PRKAG2: variants seen among roughly 807,000 people sequenced by gnomAD.
PRKAG2 encodes protein kinase AMP-activated non-catalytic subunit gamma 2.
Under a neutral mutation model 69.6 loss-of-function variants are expected in PRKAG2, and 26 were observed. The observed-to-expected ratio is 0.37, with a 90% confidence interval of 0.27 to 0.52. The LOEUF is 0.52. Ranked by LOEUF, PRKAG2 falls within the 20% of genes least tolerant of loss-of-function variation. PRKAG2 has a pLI of 0.90. For missense variants in PRKAG2, 557 were observed against 740.0 expected (o/e 0.75, Z 2.87); for synonymous variants, 293 against 285.0 (o/e 1.03, Z -0.28).
At chr7:151,622,500 A>G (rs1821775008) in intron 5 of PRKAG2, among the ~76,000 whole-genome samples, 1 of 152,234 alleles carries the variant, frequency 6.6e-6, no homozygotes, top group East Asian at 1.9e-4. Context: ...TCAGGTAGCA[A>G]GCCAGTGTTC....
At chr7:151,605,680 C>T (rs563226063) in intron 5 of PRKAG2, among the ~76,000 whole-genome samples, 10 of 152,252 alleles carry the variant, frequency 6.6e-5, no homozygotes, top group Admixed American at 2.0e-4. Context: ...TGGCTCACAC[C>T]TGTAATCCCA....
chr7:151,625,606 G>A (rs980129059), intron 5 of PRKAG2, among the ~76,000 whole-genome samples: 2 of 152,212 alleles, frequency 1.3e-5, no homozygotes, highest in African/African-American at 4.8e-5. Context: ...ACGGTCCATA[G>A]GAAGATGACA....
rs1036260182 is a variant in PRKAG2, at chr7:151,632,598, C to T, written c.685-460G>A. The T allele has an allele frequency of 1.0e-5, 10 of 984,278 alleles. No individual in the cohort carries two copies. In the African/African-American group the frequency reaches 1.4e-4, roughly 14 times the overall value. 61.0% of individuals were successfully genotyped at this position (984,278 alleles called of 1,614,324 possible). On this transcript the variant is annotated intron_variant, in intron 4 of 15. Transcript: ENST00000287878. This position sits in a 1 kb window ranked among gnomAD's most constrained non-coding sequence, Gnocchi z 4.2. The stretch of plus-strand genomic sequence containing the variant: ...TCCCAGCACCGGCGGCCGCGCTCGG[C>T]AGGCTCCACCTGCGCAGGTGTGGGC...
chr7:151,857,867 A>ATC, intron 1 of PRKAG2, among the ~76,000 whole-genome samples: 1 of 152,200 alleles, frequency 6.6e-6, no homozygotes, highest in Non-Finnish European at 1.5e-5. Context: ...TACAATCCCA[A>ATC]ACGGTGATTT....
intron 13 of PRKAG2, 75 bp downstream of exon 13, chr7:151,565,271 A>G (rs1805980340): frequency 8.6e-7 from 1 of 1,161,954 alleles, no homozygotes; most frequent in Non-Finnish European, 1.2e-6. Flanking sequence ...AAACAAGATA[A>G]AAACATAAAA....
Position 151,771,300 on chromosome 7 carries a change from G to A in PRKAG2, c.466+9852C>T, listed in dbSNP as rs138613122. Among the ~76,000 whole-genome samples the A allele has an allele frequency of 1.5e-3, 230 of 152,190 alleles. No homozygotes were observed. The highest frequency in any genetic ancestry group is 6.8e-3 in the Middle Eastern group (2 of 294). ...ATTATATCACTTCTATCAGCACCAC[G>A]TTTCTTGTCTTTCCAAGTCTGCTGA... On this transcript the variant is annotated intron_variant, in intron 3 of 15. Coordinates refer to ENST00000287878, the MANE Select transcript of PRKAG2 (RefSeq NM_016203.4). The surrounding 1 kb of genome is among the most constrained non-coding windows in gnomAD (Gnocchi z 4.0).
intron 3 of PRKAG2, among the ~76,000 whole-genome samples, chr7:151,743,692 G>A (rs929680672): frequency 3.9e-5 from 6 of 152,208 alleles, no homozygotes; most frequent in South Asian, 2.1e-4. Flanking sequence ...GTTCCTCCAC[G>A]AGACTCAGGA....
intron 5 of PRKAG2, among the ~76,000 whole-genome samples, chr7:151,608,924 A>G (rs970269665): frequency 6.6e-6 from 1 of 151,832 alleles, no homozygotes; most frequent in Non-Finnish European, 1.5e-5. Context: ...GGGGTCGCAC[A>G]CTATGTTGCC....
intron 3 of PRKAG2, among the ~76,000 whole-genome samples, chr7:151,694,714 A>G (rs1371901892): frequency 1.2e-4 from 18 of 152,238 alleles, no homozygotes; most frequent in Admixed American, 1.2e-3. Context: ...CGGCTTTGCC[A>G]TCGCTTTGCT....
At chr7:151,770,796 T>C (rs1305052301) in intron 3 of PRKAG2, among the ~76,000 whole-genome samples, 1 of 152,142 alleles carries the variant, frequency 6.6e-6, no homozygotes, top group African/African-American at 2.4e-5. Context: ...CCTGGAGCTG[T>C]AGGGGGGTGA....
chr7:151,868,829 T>A (rs1217424356), intron 1 of PRKAG2, among the ~76,000 whole-genome samples: 1 of 152,092 alleles, frequency 6.6e-6, no homozygotes, highest in Non-Finnish European at 1.5e-5. Context: ...CAAAATCAGC[T>A]CTTATAGGAA....
intron 3 of PRKAG2, among the ~76,000 whole-genome samples, chr7:151,734,848 C>CTTTTTTTTT (rs35008070): frequency 1.1e-4 from 10 of 90,082 alleles, no homozygotes; most frequent in African/African-American, 2.5e-4. Context: ...AAATCTGATT[C>CTTTTTTTTT]TTTTTTTTTT....
At chr7:151,866,321 A>G (rs989375733) in intron 1 of PRKAG2, among the ~76,000 whole-genome samples, 9 of 152,228 alleles carry the variant, frequency 5.9e-5, no homozygotes, top group African/African-American at 1.9e-4. Flanking sequence ...GACAAGACAC[A>G]ACAGAGACTT....
intron 1 of PRKAG2, among the ~76,000 whole-genome samples, chr7:151,797,637 C>T (rs2077622934): frequency 6.6e-6 from 1 of 152,232 alleles, no homozygotes. Flanking sequence ...ACTCCTTCTA[C>T]TCCATCTTGT....
chr7:151,581,787 A>G (rs1490449008), intron 6 of PRKAG2, among the ~76,000 whole-genome samples: 1 of 152,116 alleles, frequency 6.6e-6, no homozygotes. Flanking sequence ...TAAGTTTAAC[A>G]CTCAAATATG....
intron 1 of PRKAG2, among the ~76,000 whole-genome samples, chr7:151,837,788 TC>T (rs1418382622): frequency 6.6e-6 from 1 of 152,050 alleles, no homozygotes; most frequent in Non-Finnish European, 1.5e-5. Flanking sequence ...CTTCAGAAGC[TC>T]CCCTACCGAG....
chr7:151,729,305 A>T (rs1798535587), intron 3 of PRKAG2, among the ~76,000 whole-genome samples: 1 of 152,082 alleles, frequency 6.6e-6, no homozygotes, highest in Non-Finnish European at 1.5e-5. Flanking sequence ...CCATCCTCAC[A>T]AACAAGGATG....
chr7:151,805,658 C>T (rs147133201), intron 1 of PRKAG2, among the ~76,000 whole-genome samples: 41 of 152,276 alleles, frequency 2.7e-4, no homozygotes, highest in Admixed American at 2.2e-3. Flanking sequence ...AAAGACATGG[C>T]TGTGATGCCT....
intron 3 of PRKAG2, among the ~76,000 whole-genome samples, chr7:151,683,254 A>G (rs1834162919): frequency 6.6e-6 from 1 of 152,082 alleles, no homozygotes; most frequent in Non-Finnish European, 1.5e-5. Flanking sequence ...GAGGAGGAGG[A>G]GGAGAACAGA....
Sources: gnomAD v4.1 joint callset for allele counts (sites outside exome capture counted in the v4.1 genomes callset) on GRCh38, gnomAD v4.1.1 for gene constraint, Gnocchi (gnomAD v3.1) non-coding constraint, MANE v1.5 for transcripts, NCBI Gene and HGNC (gene_info 2026-07-23, HGNC 2026-07-21) for gene names.